RAB31: variants seen among roughly 807,000 people sequenced by gnomAD.
The protein encoded by RAB31 is ras-related protein Rab-31.
Under a neutral mutation model 25.6 loss-of-function variants are expected in RAB31, and 21 were observed. The ratio of observed to expected loss-of-function variants is 0.82; its 90% CI spans 0.58 to 1.18. The LOEUF is 1.18. RAB31 is among the 50% of genes most tolerant of loss of function. RAB31 has a pLI of 0.00. For synonymous variants in RAB31, 87 were observed against 84.0 expected (o/e 1.04, Z -0.20); for missense variants, 196 against 250.1 (o/e 0.78, Z 1.46).
chr18:9,801,620 A>G (rs2068514349), intron 3 of RAB31, among the ~76,000 whole-genome samples: 2 of 152,118 alleles, frequency 1.3e-5, no homozygotes, highest in Non-Finnish European at 2.9e-5. Context: ...ATGTATCTAG[A>G]AGTGAAATTG....
At position 9,859,601 on chromosome 18, in the gene RAB31, A is replaced by AAC; in HGVS notation, c.*277_*278insCA. 3.3e-6 allele frequency: 1 copy of AAC among 303,488 alleles called. No individual in the cohort carries two copies. The highest frequency in any genetic ancestry group is 6.0e-6 in the Non-Finnish European group (1 of 165,856). The allele number at this position is 303,488 out of a possible 1,614,324, so 18.8% of individuals were successfully genotyped here. The stretch of plus-strand genomic sequence containing the variant: ...GTTGCATTTTTGCTAAAAAAAAAAA[A>AAC]AAACCTTTAAAAATTGTTGGATGTG... On this transcript the variant is annotated 3_prime_UTR_variant, in exon 7 of 7. Transcript: ENST00000578921.
chr18:9,754,576 A>G (rs1294697109), intron 1 of RAB31, among the ~76,000 whole-genome samples: 5 of 152,320 alleles, frequency 3.3e-5, no homozygotes, highest in Admixed American at 6.5e-5. Flanking sequence ...CACTGCACCC[A>G]GCCCAGACTT....
chr18:9,759,947 G>T (rs944415924), intron 1 of RAB31, among the ~76,000 whole-genome samples: 9 of 152,084 alleles, frequency 5.9e-5, no homozygotes, highest in African/African-American at 2.2e-4. Flanking sequence ...ACCAGACTAA[G>T]GTGGTCCCCG....
chr18:9,757,684 A>G (rs1443983412), intron 1 of RAB31, among the ~76,000 whole-genome samples: 2 of 152,166 alleles, frequency 1.3e-5, no homozygotes, highest in Non-Finnish European at 2.9e-5. Context: ...GTGCACATGT[A>G]TGCATGTGCA....
chr18:9,835,003 C>T (rs1213491397), intron 5 of RAB31, among the ~76,000 whole-genome samples: 1 of 152,188 alleles, frequency 6.6e-6, no homozygotes, highest in Non-Finnish European at 1.5e-5. Flanking sequence ...TCACTGCCAA[C>T]CCTAACTGAG....
intron 2 of RAB31, among the ~76,000 whole-genome samples, chr18:9,783,963 C>A (rs532010508): frequency 6.6e-6 from 1 of 152,128 alleles, no homozygotes; most frequent in Non-Finnish European, 1.5e-5. Context: ...AGGTTGGTAC[C>A]AACTAAGTTT....
intron 1 of RAB31, chr18:9,774,998 A>G: frequency 3.6e-6 from 2 of 553,066 alleles, no homozygotes; most frequent in East Asian, 4.5e-5. Context: ...AAATACATCC[A>G]TAGTGAACAT....
intron 1 of RAB31, among the ~76,000 whole-genome samples, chr18:9,752,758 T>C (rs532198143): frequency 2.0e-5 from 3 of 152,340 alleles, no homozygotes; most frequent in Middle Eastern, 3.4e-3. Context: ...TACACACATA[T>C]TCGAGGATGC....
rs565657737 is a variant in RAB31, at chr18:9,801,971, A to G, written c.201+9736A>G. Among the ~76,000 whole-genome samples the G allele has an allele frequency of 1.6e-4, 25 of 152,326 alleles. 1 individual carries two copies. In the South Asian group the frequency reaches 5.0e-3, roughly 30 times the overall value. On this transcript the variant is annotated intron_variant, in intron 3 of 6. Coordinates refer to ENST00000578921, the MANE Select transcript of RAB31 (RefSeq NM_006868.4). ...CCGATTGTCTTGGCATCTTTACTGAAAATCACCTGACCATAAATTTGAGGC... is the reference window on the plus strand; with the variant it reads ...CCGATTGTCTTGGCATCTTTACTGAGAATCACCTGACCATAAATTTGAGGC...
intron 2 of RAB31, among the ~76,000 whole-genome samples, chr18:9,780,626 T>C (rs2068398401): frequency 6.6e-6 from 1 of 152,182 alleles, no homozygotes; most frequent in South Asian, 2.1e-4. Flanking sequence ...AACACTTTTG[T>C]ACTTTTATAA....
At position 9,759,378 on chromosome 18, in the gene RAB31, C is replaced by A. The variant is rs187762499; in HGVS notation, c.40-15900C>A. On this transcript the variant is annotated intron_variant, in intron 1 of 6. Coordinates refer to ENST00000578921, the MANE Select transcript of RAB31 (RefSeq NM_006868.4). ...TAAAGACAGTGTCTCGCTATGTTGTCCAGGCTGTTCTCAAACTCCTGGCTT... is the reference window on the plus strand; with the variant it reads ...TAAAGACAGTGTCTCGCTATGTTGTACAGGCTGTTCTCAAACTCCTGGCTT... 2.2e-3 allele frequency among the ~76,000 whole-genome samples: 330 copies of A among 151,894 alleles called. 4 individuals are homozygous for A. Among genetic ancestry groups the A allele is most frequent in the African/African-American group, 7.7e-3 (318 of 41,412 alleles).
intron 2 of RAB31, among the ~76,000 whole-genome samples, chr18:9,780,448 G>A (rs1242747606): frequency 6.6e-6 from 1 of 152,020 alleles, no homozygotes; most frequent in Admixed American, 6.6e-5. Context: ...CTACCTCTTA[G>A]AGGTAATTAC....
At chr18:9,797,671 C>G (rs989287399) in intron 3 of RAB31, among the ~76,000 whole-genome samples, 2 of 152,148 alleles carry the variant, frequency 1.3e-5, no homozygotes, top group African/African-American at 2.4e-5. Context: ...TAAAACTATC[C>G]AAACTCCCAC....
chr18:9,726,568 G>C (rs1324389537), intron 1 of RAB31, among the ~76,000 whole-genome samples: 2 of 152,058 alleles, frequency 1.3e-5, no homozygotes, highest in Admixed American at 6.6e-5. Context: ...TTACATCCTC[G>C]TAACTTTAAG....
chr18:9,859,501 A>G lies in RAB31; in HGVS notation c.*176A>G. ...AGGAAATGTACCTGAAAAGGATTTTAGAAAACCCTGGGAAAACCCACCACA... is the reference window on the plus strand; with the variant it reads ...AGGAAATGTACCTGAAAAGGATTTTGGAAAACCCTGGGAAAACCCACCACA... On this transcript the variant is annotated 3_prime_UTR_variant, in exon 7 of 7. Coordinates refer to ENST00000578921, the MANE Select transcript of RAB31 (RefSeq NM_006868.4). 1 of 508,626 alleles carries G rather than the reference A, an allele frequency of 2.0e-6. No homozygotes were observed. Among genetic ancestry groups the G allele is most frequent in the Non-Finnish European group, 3.4e-6 (1 of 294,420 alleles). 31.5% of individuals were successfully genotyped at this position (508,626 alleles called of 1,614,324 possible).
chr18:9,831,004 T>TGTTTCTTG (rs1231935137), intron 5 of RAB31, among the ~76,000 whole-genome samples: 1 of 152,252 alleles, frequency 6.6e-6, no homozygotes, highest in Non-Finnish European at 1.5e-5. Flanking sequence ...ATGTGCACAG[T>TGTTTCTTG]GTTTCTTGGG....
chr18:9,764,739 G>A (rs1446819994), intron 1 of RAB31, among the ~76,000 whole-genome samples: 1 of 151,932 alleles, frequency 6.6e-6, no homozygotes, highest in Non-Finnish European at 1.5e-5. Context: ...TTCTCTGTAT[G>A]TGGGCTTCTG....
intron 1 of RAB31, among the ~76,000 whole-genome samples, chr18:9,716,597 G>A (rs1398325919): frequency 3.3e-5 from 5 of 152,140 alleles, no homozygotes; most frequent in Non-Finnish European, 5.9e-5. Flanking sequence ...GGATGGAGGC[G>A]TCTGCCTCTT....
chr18:9,769,194 A>G (rs920717326), intron 1 of RAB31, among the ~76,000 whole-genome samples: 1 of 152,156 alleles, frequency 6.6e-6, no homozygotes, highest in South Asian at 2.1e-4. Context: ...TTTTTGTTCC[A>G]TATGAAATTC....
Sources: allele counts gnomAD v4.1 joint callset (sites outside exome capture counted in the v4.1 genomes callset), GRCh38; gene constraint gnomAD v4.1.1; transcripts MANE v1.5; gene names NCBI Gene and HGNC (gene_info 2026-07-23, HGNC 2026-07-21).